GPR158: variants seen among roughly 807,000 people sequenced by gnomAD.
GPR158 encodes metabotropic glycine receptor.
In GPR158, 30 loss-of-function variants were observed where a neutral mutation model predicts 78.2. That is an observed-to-expected ratio of 0.38 (90% CI 0.29 to 0.52). The LOEUF (loss-of-function observed/expected upper bound fraction) is 0.52, where lower values mean the gene tolerates loss of function less well. Ranked by LOEUF, GPR158 falls within the 20% of genes least tolerant of loss-of-function variation. The probability of loss-of-function intolerance (pLI) is 0.83; values close to 1 mark genes in which losing one functional copy is unlikely to be tolerated. For synonymous variants in GPR158, 581 were observed against 591.1 expected (o/e 0.98, Z 0.25); for missense variants, 1,463 against 1,523.5 (o/e 0.96, Z 0.66).
chr10:25,319,822 A>C (rs117536045), intron 2 of GPR158, among the ~76,000 whole-genome samples: 1,440 of 133,524 alleles, frequency 0.011, no homozygotes, highest in Non-Finnish European at 0.016. Flanking sequence ...TGAACACCCC[A>C]CCCCCCCCAA....
chr10:25,200,868 G>GTTTTTTTTTTTTT (rs56696555), intron 1 of GPR158, among the ~76,000 whole-genome samples: 67 of 113,252 alleles, frequency 5.9e-4, no homozygotes, highest in Admixed American at 9.2e-4. Flanking sequence ...TTTTTGTTTT[G>GTTTTTTTTTTTTT]TTTTTTTTTT....
At chr10:25,403,994 A>C (rs1388953971) in intron 3 of GPR158, among the ~76,000 whole-genome samples, 1 of 152,082 alleles carries the variant, frequency 6.6e-6, no homozygotes, top group Non-Finnish European at 1.5e-5. Context: ...ACTTTTAAAC[A>C]ATCATAAGCT....
intron 5 of GPR158, among the ~76,000 whole-genome samples, chr10:25,513,908 A>G (rs1337778005): frequency 2.6e-5 from 4 of 152,066 alleles, no homozygotes; most frequent in Non-Finnish European, 4.4e-5. Context: ...CAATTGTTTT[A>G]AATTTATTGG....
chr10:25,521,328 C>T lies in GPR158; in HGVS notation c.1405-29648C>T, dbSNP rs994691907. ...AAATGCAGAAATCACCCGTCTTCTG[C>T]GTCGCTCACGCTGGGAGCTGTAGGC... On this transcript the variant is annotated intron_variant, in intron 5 of 10. Transcript: ENST00000376351. Among the ~76,000 whole-genome samples the T allele has an allele frequency of 4.6e-5, 7 of 152,204 alleles. No homozygotes were observed. The East Asian group carries it at 5.8e-4, about 13-fold the overall frequency.
At chr10:25,223,129 A>G (rs937712274) in intron 2 of GPR158, among the ~76,000 whole-genome samples, 1 of 152,224 alleles carries the variant, frequency 6.6e-6, no homozygotes, top group Non-Finnish European at 1.5e-5. Flanking sequence ...TGAAATTTAT[A>G]ACTTTTGGGA....
chr10:25,334,936 G>T (rs1855176819), intron 2 of GPR158, among the ~76,000 whole-genome samples: 1 of 151,960 alleles, frequency 6.6e-6, no homozygotes, highest in Non-Finnish European at 1.5e-5. Flanking sequence ...GAATGGACGG[G>T]AATCAATGTG....
intron 2 of GPR158, among the ~76,000 whole-genome samples, chr10:25,315,354 T>TA (rs968216767): frequency 1.8e-4 from 28 of 152,244 alleles, no homozygotes; most frequent in Non-Finnish European, 3.2e-4. Flanking sequence ...CTTTTAGTCT[T>TA]AAAAAAATCT....
intron 5 of GPR158, among the ~76,000 whole-genome samples, chr10:25,468,078 A>G (rs768872907): frequency 1.6e-4 from 24 of 152,072 alleles, no homozygotes; most frequent in Non-Finnish European, 2.2e-4. Context: ...CGTATCTCTT[A>G]GGAATTTCTC....
At chr10:25,367,449 C>G (rs914568230) in intron 2 of GPR158, among the ~76,000 whole-genome samples, 8 of 151,686 alleles carry the variant, frequency 5.3e-5, no homozygotes, top group Non-Finnish European at 7.4e-5. Context: ...TGTTCTTTTT[C>G]AAGATTTCGT....
chr10:25,189,711 A>C (rs1852743288), intron 1 of GPR158, among the ~76,000 whole-genome samples: 1 of 151,884 alleles, frequency 6.6e-6, no homozygotes. Flanking sequence ...GGTGCAGCAC[A>C]CCAACATGGC....
At chr10:25,480,912 T>C (rs968572655) in intron 5 of GPR158, among the ~76,000 whole-genome samples, 3 of 152,110 alleles carry the variant, frequency 2.0e-5, no homozygotes, top group Non-Finnish European at 4.4e-5. Context: ...TTTCATCAGG[T>C]ATTAGTACTG....
intron 1 of GPR158, among the ~76,000 whole-genome samples, chr10:25,189,813 A>G (rs1193833908): frequency 6.6e-6 from 1 of 150,506 alleles, no homozygotes; most frequent in Non-Finnish European, 1.5e-5. Flanking sequence ...AAAAAAAAAA[A>G]AAGAGAAAAG....
chr10:25,434,233 A>C (rs938826460), intron 4 of GPR158, among the ~76,000 whole-genome samples: 2 of 152,160 alleles, frequency 1.3e-5, no homozygotes, highest in Admixed American at 1.3e-4. Context: ...AGCAATACTA[A>C]TTATGAGTTA....
intron 4 of GPR158, among the ~76,000 whole-genome samples, chr10:25,416,695 A>G (rs912006965): frequency 6.6e-6 from 1 of 152,286 alleles, no homozygotes. Context: ...AAGTTGAAAA[A>G]CAGTTCAGAA....
chr10:25,368,248 C>T (rs72796157), intron 2 of GPR158, among the ~76,000 whole-genome samples: 71 of 151,840 alleles, frequency 4.7e-4, no homozygotes, highest in Non-Finnish European at 9.6e-4. Context: ...ATCCTTGTTT[C>T]AGGATCTACT....
intron 6 of GPR158, among the ~76,000 whole-genome samples, chr10:25,556,543 G>A (rs1376622504): frequency 6.6e-6 from 1 of 152,120 alleles, no homozygotes; most frequent in Non-Finnish European, 1.5e-5. Context: ...TGCCTACTCT[G>A]GGGTGCAGAG....
intron 6 of GPR158, 86 bp downstream of exon 6, chr10:25,551,171 A>C: frequency 1.3e-6 from 1 of 775,040 alleles, no homozygotes; most frequent in South Asian, 1.4e-5. Context: ...CTGACCACTT[A>C]AATGGCTCAG....
At chr10:25,478,487 A>G (rs1284528850) in intron 5 of GPR158, among the ~76,000 whole-genome samples, 3 of 142,392 alleles carry the variant, frequency 2.1e-5, no homozygotes, top group East Asian at 4.0e-4. Flanking sequence ...GATGAAATAT[A>G]TAATGCGTGT....
At chr10:25,506,011 T>C (rs1049704270) in intron 5 of GPR158, among the ~76,000 whole-genome samples, 1 of 152,128 alleles carries the variant, frequency 6.6e-6, no homozygotes, top group African/African-American at 2.4e-5. Context: ...TAGCTTTCTT[T>C]GTGGTCCAAC....
Sources: gnomAD v4.1 joint callset for allele counts (sites outside exome capture counted in the v4.1 genomes callset) on GRCh38, gnomAD v4.1.1 for gene constraint, MANE v1.5 for transcripts, NCBI Gene and HGNC (gene_info 2026-07-23, HGNC 2026-07-21) for gene names.